Variants in ARID5B observed in about 807,000 individuals in gnomAD.
ARID5B encodes AT-rich interaction domain 5B.
Under a neutral mutation model 97.2 loss-of-function variants are expected in ARID5B, and 13 were observed. The ratio of observed to expected loss-of-function variants is 0.13; its 90% CI spans 0.09 to 0.21. ARID5B has a LOEUF of 0.21. Ranked by LOEUF, ARID5B falls within the 10% of genes least tolerant of loss-of-function variation. The pLI is 1.00. For missense variants in ARID5B, 1,210 were observed against 1,465.3 expected (o/e 0.83, Z 2.84); for synonymous variants, 556 against 570.3 (o/e 0.97, Z 0.36).
intron 4 of ARID5B, among the ~76,000 whole-genome samples, chr10:62,030,032 T>A (rs1839475307): frequency 1.3e-5 from 2 of 152,176 alleles, no homozygotes; most frequent in African/African-American, 4.8e-5. Flanking sequence ...TAAAGCTAGA[T>A]GTAATAATTG....
At chr10:62,013,159 T>C (rs1360824862) in intron 4 of ARID5B, among the ~76,000 whole-genome samples, 6 of 151,956 alleles carry the variant, frequency 3.9e-5, no homozygotes, top group Admixed American at 3.9e-4. Flanking sequence ...CAGGAAAAAA[T>C]TTTCTTGAGT....
At chr10:62,012,777 T>G (rs1839234561) in intron 4 of ARID5B, among the ~76,000 whole-genome samples, 1 of 152,246 alleles carries the variant, frequency 6.6e-6, no homozygotes, top group Non-Finnish European at 1.5e-5. Flanking sequence ...TTCTAGTTAT[T>G]ATAAAGCAAA....
chr10:62,048,392 G>A (rs572459092), intron 4 of ARID5B, among the ~76,000 whole-genome samples: 1 of 152,290 alleles, frequency 6.6e-6, no homozygotes, highest in South Asian at 2.1e-4. Flanking sequence ...TGTTCCATAA[G>A]AGAAGGAGGG....
chr10:62,036,889 T>C (rs752603570), intron 4 of ARID5B, among the ~76,000 whole-genome samples: 15 of 152,180 alleles, frequency 9.9e-5, no homozygotes, highest in Admixed American at 4.6e-4. Context: ...GCCCGAGGTT[T>C]TCCTAAAGCT....
chr10:62,054,918 G>A (rs796521730), intron 5 of ARID5B, among the ~76,000 whole-genome samples: 65 of 152,242 alleles, frequency 4.3e-4, no homozygotes, highest in African/African-American at 1.5e-3. Context: ...ACTGTAAAAT[G>A]TGGCTAAATA....
At chr10:61,956,580 C>A (rs572549012) in intron 3 of ARID5B, among the ~76,000 whole-genome samples, 17 of 152,296 alleles carry the variant, frequency 1.1e-4, no homozygotes, top group Non-Finnish European at 2.4e-4. Flanking sequence ...CACTCTCTGT[C>A]CCCACTCCCA....
intron 7 of ARID5B, 62 bp downstream of exon 7, chr10:62,059,357 C>T: frequency 2.1e-6 from 3 of 1,416,822 alleles, no homozygotes; most frequent in Non-Finnish European, 2.0e-6. Context: ...CTCTCTTTGA[C>T]CAAAATGGAG....
chr10:61,919,586 A>G (rs190466420), intron 2 of ARID5B, among the ~76,000 whole-genome samples: 1 of 152,246 alleles, frequency 6.6e-6, no homozygotes, highest in African/African-American at 2.4e-5. Context: ...ACTAGAATTC[A>G]GATGAAAACA....
At chr10:62,030,554 G>C (rs755770236) in intron 4 of ARID5B, among the ~76,000 whole-genome samples, 1 of 152,210 alleles carries the variant, frequency 6.6e-6, no homozygotes, top group African/African-American at 2.4e-5. Context: ...ATGGATGAGT[G>C]GGGGGCTGAA....
intron 2 of ARID5B, among the ~76,000 whole-genome samples, chr10:61,924,470 C>T (rs1376349948): frequency 2.0e-5 from 3 of 152,136 alleles, no homozygotes; most frequent in Non-Finnish European, 4.4e-5. Flanking sequence ...AATACAAAGT[C>T]CGTTTAAGTA....
At chr10:62,071,145 C>G (rs923981260) in intron 8 of ARID5B, among the ~76,000 whole-genome samples, 5 of 151,016 alleles carry the variant, frequency 3.3e-5, no homozygotes, top group Non-Finnish European at 7.4e-5. Flanking sequence ...AAGCGATTCT[C>G]CTGACTCAGT....
At position 61,902,355 on chromosome 10, in the gene ARID5B, C is replaced by G. The variant is rs1319655437; in HGVS notation, c.218C>G (p.Ser73Cys). 1 of 1,614,152 alleles carries G rather than the reference C, an allele frequency of 6.2e-7. No individual in the cohort carries two copies. The highest frequency in any genetic ancestry group is 2.2e-5 in the East Asian group (1 of 44,888). ...ACCAGCCGGCAACTTTTATCCAGCTCTAAACTTTATTTCCTCCCAGAAGAC... is the reference window on the plus strand; with the variant it reads ...ACCAGCCGGCAACTTTTATCCAGCTGTAAACTTTATTTCCTCCCAGAAGAC... ...ERTSRQLLSS[S>C]KLYFLPEDTP... The change falls in exon 2 of 10, where the codon TCT (serine) becomes TGT (cysteine). Residue 73 changes from serine to cysteine, a missense_variant. Physicochemically the swap from Ser to Cys is moderately radical, Grantham distance 112. Around this residue, in one of 8 missense-constraint regions of ARID5B, gnomAD observed 80 missense variants for 133.2 expected, o/e 0.60. Transcript: ENST00000279873.
At chr10:62,015,149 C>T (rs1373500293) in intron 4 of ARID5B, among the ~76,000 whole-genome samples, 1 of 152,168 alleles carries the variant, frequency 6.6e-6, no homozygotes, top group Non-Finnish European at 1.5e-5. Flanking sequence ...ATTTGTGTTC[C>T]TAAGAGATAA....
rs192115978 is a variant in ARID5B, at chr10:62,050,216, T to A, written c.734-672T>A. On this transcript the variant is annotated intron_variant, in intron 4 of 9. Coordinates refer to ENST00000279873, the MANE Select transcript of ARID5B (RefSeq NM_032199.3). ...TTTGGATGTTATATTAAATAAGCCT[T>A]AAGATCTTCATAAAAATATATTGAA... 1.2e-3 allele frequency among the ~76,000 whole-genome samples: 185 copies of A among 152,332 alleles called. 2 individuals are homozygous for A. Among genetic ancestry groups the A allele is most frequent in the Admixed American group, 5.6e-3 (85 of 15,306 alleles).
At chr10:61,956,725 A>G (rs1409548551) in intron 3 of ARID5B, among the ~76,000 whole-genome samples, 1 of 152,172 alleles carries the variant, frequency 6.6e-6, no homozygotes, top group East Asian at 1.9e-4. Flanking sequence ...CTCAAACTGT[A>G]ACTACATTTG....
Position 61,948,515 on chromosome 10 carries a change from C to T in ARID5B, c.502+8107C>T, listed in dbSNP as rs184748711. Among the ~76,000 whole-genome samples, 442 of 150,898 alleles carry T rather than the reference C, an allele frequency of 2.9e-3. 1 individual carries two copies. The highest frequency in any genetic ancestry group is 4.6e-3 in the Non-Finnish European group (311 of 67,796). On this transcript the variant is annotated intron_variant, in intron 3 of 9. Transcript: ENST00000279873. ...CCGAGTAGCTGGGACTACAGGTGCG[C>T]GCCACCACATCCGGCTAATTTTTTT...
chr10:61,902,521 G>A, intron 2 of ARID5B, 108 bp downstream of exon 2: 1 of 1,442,270 alleles, frequency 6.9e-7, no homozygotes, highest in Non-Finnish European at 9.4e-7. Context: ...CAGGCAAGCA[G>A]GATCGACTCC....
rs1315863593 is a variant in ARID5B at position 62,000,828 on chromosome 10, AGAT to A, written c.733+511_733+513del. On this transcript the variant is annotated intron_variant, in intron 4 of 9. Transcript: ENST00000279873. The surrounding 1 kb of genome is among the most constrained non-coding windows in gnomAD (Gnocchi z 4.4). ...CTGTACAGTAGATAGACACGTAGAG[AGAT>A]GATAGATAGATAGATAGATAGATAG... is the stretch of plus-strand genomic sequence containing the variant. 8.0e-6 allele frequency among the ~76,000 whole-genome samples: 1 copy of A among 125,496 alleles called. No homozygotes were observed. Among genetic ancestry groups the A allele is most frequent in the Non-Finnish European group, 1.7e-5 (1 of 59,218 alleles). 82.3% of individuals were successfully genotyped at this position (125,496 alleles called of 152,430 possible).
intron 3 of ARID5B, among the ~76,000 whole-genome samples, chr10:61,968,014 T>A (rs900253013): frequency 6.6e-6 from 1 of 151,564 alleles, no homozygotes; most frequent in Non-Finnish European, 1.5e-5. Context: ...CTTGGATTTT[T>A]AGAAAAATTA....
Sources: gnomAD v4.1 joint callset for allele counts (sites outside exome capture counted in the v4.1 genomes callset) on GRCh38, gnomAD v4.1.1 for gene constraint, gnomAD v4.1.1 regional missense constraint, Gnocchi (gnomAD v3.1) non-coding constraint, MANE v1.5 for transcripts, NCBI Gene and HGNC (gene_info 2026-07-23, HGNC 2026-07-21) for gene names.